The following CFAP47 variants were observed in gnomAD, a reference collection of about 807,000 sequenced individuals.
CFAP47 encodes the protein cilia and flagella associated protein 47.
Under a neutral mutation model 148.1 loss-of-function variants are expected in CFAP47, and 29 were observed. The ratio of observed to expected loss-of-function variants is 0.20; its 90% CI spans 0.15 to 0.27. The LOEUF (loss-of-function observed/expected upper bound fraction) is 0.27. Among genes scored for constraint, CFAP47 ranks in the 10% least tolerant of loss-of-function variants. The probability of loss-of-function intolerance (pLI) is 1.00; values close to 1 mark genes in which losing one functional copy is unlikely to be tolerated. For missense variants in CFAP47, 1,872 were observed against 1,697.5 expected, an observed-to-expected ratio of 1.10 and a Z score of -1.81; for synonymous variants, 664 against 577.3, an observed-to-expected ratio of 1.15 and a Z score of -2.15.
chrX:36,203,580 C>T (rs1014174074), intron 44 of CFAP47, among the ~76,000 whole-genome samples: 19 of 111,747 alleles, frequency 1.7e-4, no homozygotes, highest in African/African-American at 6.2e-4. Context: ...AACTGTTTCT[C>T]CTGTCAGATT....
At chrX:36,122,592 G>C (rs997353714) in intron 33 of CFAP47, among the ~76,000 whole-genome samples, 2 of 111,388 alleles carry the variant, frequency 1.8e-5, no homozygotes, top group Non-Finnish European at 3.8e-5. Flanking sequence ...AAAGGACTTT[G>C]ATGTATTTTT....
chrX:36,025,905 T>G (rs1202382967), intron 22 of CFAP47, among the ~76,000 whole-genome samples: 1 of 111,933 alleles, frequency 8.9e-6, no homozygotes, highest in African/African-American at 3.2e-5. Context: ...ATTATTCATT[T>G]TCCGATAGAT....
chrX:36,152,392 A>G (rs951360199), intron 37 of CFAP47, among the ~76,000 whole-genome samples: 2 of 111,596 alleles, frequency 1.8e-5, no homozygotes, highest in Non-Finnish European at 3.8e-5. Flanking sequence ...TCATGTTCGT[A>G]CCCTTTGATT....
At chrX:36,279,555 C>G (rs1941055337) in intron 49 of CFAP47, among the ~76,000 whole-genome samples, 1 of 111,760 alleles carries the variant, frequency 8.9e-6, no homozygotes, top group African/African-American at 3.3e-5. Flanking sequence ...TTGTTTATGT[C>G]AAGCTGGTAT....
chrX:36,110,737 T>A (rs1455291356), intron 33 of CFAP47, among the ~76,000 whole-genome samples: 1 of 112,354 alleles, frequency 8.9e-6, no homozygotes, highest in Non-Finnish European at 1.9e-5. Flanking sequence ...TTCCTATCCA[T>A]GAGCATGGAA....
In CFAP47 at chrX:36,301,193, AATAG is replaced by A. The variant is rs1270992205; in HGVS notation, c.7970+18_7970+21del. The stretch of plus-strand genomic sequence containing the variant: ...CGACCTTGGCAAGTAAGTTCTACTT[AATAG>A]ATAAAGTTATTGCTTGCAAGAAAAA... On this transcript the variant is annotated intron_variant, in intron 53 of 63. Coordinates refer to ENST00000378653, the MANE Select transcript of CFAP47 (RefSeq NM_001304548.2). 4.1e-6 allele frequency: 4 copies of A among 975,415 alleles called. No individual in the cohort carries two copies. Among genetic ancestry groups the A allele is most frequent in the Non-Finnish European group, 4.2e-6 (3 of 707,494 alleles). The allele number at this position is 975,415 out of a possible 1,213,427, so 80.4% of individuals were successfully genotyped here.
chrX:36,142,913 A>C (rs1195924964), intron 35 of CFAP47, among the ~76,000 whole-genome samples: 1 of 110,407 alleles, frequency 9.1e-6, no homozygotes, highest in Non-Finnish European at 1.9e-5. Context: ...TCTTCGGATC[A>C]TACCCTATAG....
At chrX:35,935,013 T>C (rs745448135) in intron 2 of CFAP47, among the ~76,000 whole-genome samples, 17 of 110,883 alleles carry the variant, frequency 1.5e-4, no homozygotes, top group African/African-American at 4.9e-4. Context: ...AGCCATGAGC[T>C]ATGCAGCCTG....
intron 49 of CFAP47, among the ~76,000 whole-genome samples, chrX:36,276,393 A>C (rs1941017933): frequency 8.9e-6 from 1 of 112,157 alleles, no homozygotes; most frequent in Non-Finnish European, 1.9e-5. Flanking sequence ...AAAGGTGTTA[A>C]GAATTGCCAA....
intron 33 of CFAP47, among the ~76,000 whole-genome samples, chrX:36,108,735 T>A (rs748582908): frequency 9.0e-6 from 1 of 111,075 alleles, no homozygotes; most frequent in South Asian, 3.9e-4. Flanking sequence ...ACTCTTTACA[T>A]TGACTTTTGC....
At chrX:36,024,716 C>T (rs1937196156) in intron 22 of CFAP47, among the ~76,000 whole-genome samples, 2 of 111,314 alleles carry the variant, frequency 1.8e-5, no homozygotes, top group Non-Finnish European at 3.8e-5. Context: ...TGACTTTCTG[C>T]TCTAATAGGG....
At chrX:36,241,129 G>C (rs73475057) in intron 48 of CFAP47, among the ~76,000 whole-genome samples, 4,804 of 111,613 alleles carry the variant, frequency 0.043, 307 homozygotes, top group African/African-American at 0.15. Flanking sequence ...GAAGGGAAGA[G>C]TGAAGGAACT....
At chrX:36,131,391 T>C (rs961232280) in intron 33 of CFAP47, among the ~76,000 whole-genome samples, 1 of 110,645 alleles carries the variant, frequency 9.0e-6, no homozygotes, top group African/African-American at 3.3e-5. Flanking sequence ...TATGCATGCA[T>C]GGGGGCAGGG....
Position 36,367,055 on chromosome X carries a change from C to CT in CFAP47, c.9114dup (p.Val3039CysfsTer3). On this transcript the variant is annotated frameshift_variant, in exon 62 of 64. Transcript: ENST00000378653. LOFTEE classifies it high-confidence loss of function. ...ATCGCTACTGAACCTGATACGGATGCTGTCATTGACATTGAAGGAGTTGGT... is the reference window on the plus strand; with the variant it reads ...ATCGCTACTGAACCTGATACGGATGCTTGTCATTGACATTGAAGGAGTTGGT... The CT allele has an allele frequency of 8.6e-7, 1 of 1,157,470 alleles. No homozygotes were observed. The highest frequency in any genetic ancestry group is 1.2e-6 in the Non-Finnish European group (1 of 865,226).
In CFAP47 at chrX:36,228,730, A is replaced by G. The variant is rs1053950425; in HGVS notation, c.6920A>G (p.Tyr2307Cys). ...LLKSRYDVRA[Y>C]YVEGIVNEEQ... ...AAATCAAGGTATGATGTGCGTGCCT[A>G]TTATGTTGAAGGTATTGTGAATGAA... is the stretch of plus-strand genomic sequence containing the variant. Residue 2307 changes from tyrosine (Y) to cysteine (C), a missense_variant, in exon 46 of 64, where the codon TAT (tyrosine) becomes TGT (cysteine). By Grantham distance (194) the Tyr-to-Cys change is radical. Transcript: ENST00000378653. 3.8e-6 allele frequency: 2 copies of G among 523,189 alleles called. No homozygotes were observed. Among genetic ancestry groups the G allele is most frequent in the African/African-American group, 4.6e-5 (2 of 43,151 alleles). 43.1% of individuals were successfully genotyped at this position (523,189 alleles called of 1,213,427 possible).
intron 26 of CFAP47, among the ~76,000 whole-genome samples, chrX:36,051,640 G>T (rs1454206966): frequency 9.0e-6 from 1 of 111,692 alleles, no homozygotes; most frequent in African/African-American, 3.3e-5. Context: ...GAAGGGACTT[G>T]CCTTATATCA....
intron 57 of CFAP47, among the ~76,000 whole-genome samples, chrX:36,333,028 C>T (rs868989598): frequency 1.6e-4 from 18 of 111,916 alleles, no homozygotes; most frequent in African/African-American, 5.8e-4. Context: ...TCTGTCCCAT[C>T]TCCAATGTCG....
At chrX:36,226,445 T>G (rs1206182634) in intron 45 of CFAP47, among the ~76,000 whole-genome samples, 1 of 105,116 alleles carries the variant, frequency 9.5e-6, no homozygotes, top group Non-Finnish European at 1.9e-5. Flanking sequence ...ATAAATATCT[T>G]AACCCAGAAG....
intron 22 of CFAP47, among the ~76,000 whole-genome samples, chrX:36,028,678 A>T (rs895489221): frequency 2.7e-5 from 3 of 111,693 alleles, no homozygotes; most frequent in Non-Finnish European, 3.8e-5. Context: ...ATATAGAAAC[A>T]CTACTGATTT....
Sources: gnomAD v4.1 joint callset for allele counts (sites outside exome capture counted in the v4.1 genomes callset) on GRCh38, gnomAD v4.1.1 for gene constraint, MANE v1.5 for transcripts, NCBI Gene and HGNC (gene_info 2026-07-23, HGNC 2026-07-21) for gene names.